The following BIN1 variants were observed in gnomAD, a reference collection of about 807,000 sequenced individuals.
BIN1 encodes bridging integrator 1.
In BIN1, 53 loss-of-function variants were observed where a neutral mutation model predicts 82.0. The observed-to-expected ratio is 0.65, with a 90% CI of 0.52 to 0.81. The LOEUF (loss-of-function observed/expected upper bound fraction) is 0.81. BIN1 is among the 40% of genes least tolerant of loss of function. BIN1 has a pLI of 0.00. For missense variants in BIN1, 642 were observed against 784.4 expected, an observed-to-expected ratio of 0.82 and a Z score of 2.17; for synonymous variants, 302 against 328.0, an observed-to-expected ratio of 0.92 and a Z score of 0.86.
At chr2:127,071,429 G>A (rs1685882666) in intron 2 of BIN1, among the ~76,000 whole-genome samples, 1 of 152,224 alleles carries the variant, frequency 6.6e-6, no homozygotes, top group Non-Finnish European at 1.5e-5. Flanking sequence ...GCTGACAGCA[G>A]GGACATAGGA....
In BIN1 at chr2:127,082,095, A is replaced by G. The variant is rs935974050; in HGVS notation, c.85-5389T>C. ...CCAGTCCCGAGGGAGACACCCCAAG[A>G]GGCGAAAGGGAGGAGGGCCCCTAGA... On this transcript the variant is annotated intron_variant, in intron 1 of 18. Transcript: ENST00000316724. This position sits in a 1 kb window ranked among gnomAD's most constrained non-coding sequence, Gnocchi z 6.1. 4.6e-5 allele frequency among the ~76,000 whole-genome samples: 7 copies of G among 152,106 alleles called. No homozygotes were observed.
rs1304239566 is a variant in BIN1, at chr2:127,090,095, C to T, written c.85-13389G>A. 6.6e-6 allele frequency among the ~76,000 whole-genome samples: 1 copy of T among 151,960 alleles called. No individual in the cohort carries two copies. Among genetic ancestry groups the T allele is most frequent in the African/African-American group, 2.4e-5 (1 of 41,356 alleles). ...GGCCAGTTCCTTGGAACAGCATATA[C>T]CAACCACCCCCCTTCCTCTCTCCAA... On this transcript the variant is annotated intron_variant, in intron 1 of 18. Transcript: ENST00000316724. The surrounding 1 kb of genome is among the most constrained non-coding windows in gnomAD (Gnocchi z 6.4).
chr2:127,068,644 C>T lies in BIN1; in HGVS notation c.519+280G>A, dbSNP rs1466675059. ...CCCGGCTCGCCAGGCAGGGCGGCGCCGTTCCAGGGAAACCCAGGAGGCCCA... is the reference window on the plus strand; with the variant it reads ...CCCGGCTCGCCAGGCAGGGCGGCGCTGTTCCAGGGAAACCCAGGAGGCCCA... On this transcript the variant is annotated intron_variant, in intron 6 of 18. Transcript: ENST00000316724. This position sits in a 1 kb window ranked among gnomAD's most constrained non-coding sequence, Gnocchi z 4.9. Among the ~76,000 whole-genome samples, 3 of 152,146 alleles carry T rather than the reference C, an allele frequency of 2.0e-5. No individual in the cohort carries two copies. Among genetic ancestry groups the T allele is most frequent in the Non-Finnish European group, 2.9e-5 (2 of 68,030 alleles).
Position 127,082,815 on chromosome 2 carries a change from C to T in BIN1, c.85-6109G>A, listed in dbSNP as rs1461865286. ...TGGAGCCACCTAAGCCTGCTCCCCA[C>T]CTCTGGGTGGAGAGTCTCGGTGGCC... On this transcript the variant is annotated intron_variant, in intron 1 of 18. Transcript: ENST00000316724. This position sits in a 1 kb window ranked among gnomAD's most constrained non-coding sequence, Gnocchi z 6.1. 6.6e-6 allele frequency among the ~76,000 whole-genome samples: 1 copy of T among 151,988 alleles called. No homozygotes were observed. The highest frequency in any genetic ancestry group is 2.4e-5 in the African/African-American group (1 of 41,346).
intron 2 of BIN1, among the ~76,000 whole-genome samples, chr2:127,075,801 C>A (rs1478433084): frequency 1.2e-5 from 1 of 86,954 alleles, no homozygotes; most frequent in Non-Finnish European, 2.4e-5. Context: ...TCCCAGCTGC[C>A]CCCCCCACCG....
At chr2:127,092,313 C>T (rs544962541) in intron 1 of BIN1, among the ~76,000 whole-genome samples, 1 of 152,292 alleles carries the variant, frequency 6.6e-6, no homozygotes, top group South Asian at 2.1e-4. Flanking sequence ...CCTCCCCACC[C>T]GATTAAGGAT....
intron 18 of BIN1, among the ~76,000 whole-genome samples, chr2:127,049,578 G>A (rs1682613746): frequency 6.6e-6 from 1 of 152,220 alleles, no homozygotes; most frequent in South Asian, 2.1e-4. Context: ...GGCTAAACAT[G>A]TTCTCTGGAA....
rs538306707 is a variant in BIN1, at chr2:127,087,469, G to A, written c.85-10763C>T. On this transcript the variant is annotated intron_variant, in intron 1 of 18. Transcript: ENST00000316724. ...TGGCCTGCAGCCAGGGTGGTGCCAC[G>A]TGGACCCCAGAGGAAGCCAGGGTGG... Among the ~76,000 whole-genome samples the A allele has an allele frequency of 1.2e-4, 19 of 152,342 alleles. No homozygotes were observed. In the East Asian group the frequency reaches 2.7e-3, roughly 22 times the overall value.
At chr2:127,069,602 A>G (rs1191649730) in intron 5 of BIN1, among the ~76,000 whole-genome samples, 1 of 152,194 alleles carries the variant, frequency 6.6e-6, no homozygotes, top group Non-Finnish European at 1.5e-5. Flanking sequence ...CCCAGACAAC[A>G]GGTGACATGC....
Position 127,048,362 on chromosome 2 carries a change from A to T in BIN1, c.*164T>A. ...ACTTGCCGGGACGCGGCTCTTTGGA[A>T]AACGACCTAATCTTTGGGAGAACGC... is the stretch of plus-strand genomic sequence containing the variant. On this transcript the variant is annotated 3_prime_UTR_variant, in exon 19 of 19. Coordinates refer to ENST00000316724, the MANE Select transcript of BIN1 (RefSeq NM_139343.3). 4.5e-6 allele frequency: 3 copies of T among 673,126 alleles called. No homozygotes were observed. Among genetic ancestry groups the T allele is most frequent in the Non-Finnish European group, 7.6e-6 (3 of 394,150 alleles). 41.7% of individuals were successfully genotyped at this position (673,126 alleles called of 1,614,324 possible).
At chr2:127,049,864 G>A (rs1219969261) in intron 18 of BIN1, among the ~76,000 whole-genome samples, 1 of 152,228 alleles carries the variant, frequency 6.6e-6, no homozygotes, top group Non-Finnish European at 1.5e-5. Flanking sequence ...GCCACAGCAG[G>A]AGGAGAAGGG....
intron 5 of BIN1, among the ~76,000 whole-genome samples, chr2:127,069,765 C>CAT (rs35387936): frequency 6.6e-6 from 1 of 151,872 alleles, no homozygotes; most frequent in Non-Finnish European, 1.5e-5. Context: ...CACACACACA[C>CAT]GTGCCGTGAG....
At chr2:127,077,624 G>C (rs1442410377) in intron 1 of BIN1, among the ~76,000 whole-genome samples, 2 of 152,194 alleles carry the variant, frequency 1.3e-5, no homozygotes, top group African/African-American at 4.8e-5. Context: ...AGAGGTGGGA[G>C]CAGGGAGACA....
At chr2:127,054,444 C>T (rs1226835718) in intron 12 of BIN1, 1 of 243,232 alleles carries the variant, frequency 4.1e-6, no homozygotes, top group Non-Finnish European at 8.2e-6. Flanking sequence ...TCTTGCTACC[C>T]CCCAGTGGCG....
At chr2:127,048,848 C>T (rs913269467) in intron 18 of BIN1, among the ~76,000 whole-genome samples, 1 of 152,248 alleles carries the variant, frequency 6.6e-6, no homozygotes, top group Non-Finnish European at 1.5e-5. Flanking sequence ...GCCAGCCTGT[C>T]GTCCGCAGGT....
intron 12 of BIN1, among the ~76,000 whole-genome samples, chr2:127,056,830 C>T (rs1683739651): frequency 6.6e-6 from 1 of 152,254 alleles, no homozygotes; most frequent in African/African-American, 2.4e-5. Flanking sequence ...GACGTAAGAC[C>T]TGGGGCTGTG....
intron 2 of BIN1, among the ~76,000 whole-genome samples, chr2:127,076,285 C>A (rs1686599268): frequency 6.6e-6 from 1 of 152,122 alleles, no homozygotes; most frequent in South Asian, 2.1e-4. Context: ...ACTCTCCTGG[C>A]AAGAAGCTTC....
At chr2:127,106,657 G>A (rs1344621204) in intron 1 of BIN1, among the ~76,000 whole-genome samples, 1 of 152,238 alleles carries the variant, frequency 6.6e-6, no homozygotes, top group Non-Finnish European at 1.5e-5. Flanking sequence ...TGGGGAGACA[G>A]AGGACGCAAA....
chr2:127,072,058 C>G (rs2105090476), intron 2 of BIN1, among the ~76,000 whole-genome samples: 1 of 152,358 alleles, frequency 6.6e-6, no homozygotes, highest in Middle Eastern at 3.4e-3. Flanking sequence ...CACCCATGTT[C>G]CAGTCGCCTC....
Sources: gnomAD v4.1 joint callset for allele counts (sites outside exome capture counted in the v4.1 genomes callset) on GRCh38, gnomAD v4.1.1 for gene constraint, Gnocchi (gnomAD v3.1) non-coding constraint, MANE v1.5 for transcripts, NCBI Gene and HGNC (gene_info 2026-07-23, HGNC 2026-07-21) for gene names.